NHLRC2: variants seen among roughly 807,000 people sequenced by gnomAD.
The protein encoded by NHLRC2 is NHL repeat-containing protein 2.
A neutral mutation model predicts 68.1 loss-of-function variants in NHLRC2; 33 were observed. The observed-to-expected ratio is 0.48, with a 90% CI of 0.37 to 0.65. The LOEUF (loss-of-function observed/expected upper bound fraction) is 0.65. Among genes scored for constraint, NHLRC2 ranks in the 30% least tolerant of loss-of-function variants. The pLI is 0.00. For synonymous variants in NHLRC2, 311 were observed against 309.6 expected (o/e 1.00, Z -0.05); for missense variants, 761 against 853.8 (o/e 0.89, Z 1.35).
intron 6 of NHLRC2, 28 bp downstream of exon 6, chr10:113,898,237 G>T: frequency 7.2e-7 from 1 of 1,382,996 alleles, no homozygotes; most frequent in South Asian, 1.2e-5. Context: ...TCTTTGAGTA[G>T]ACTGTACTAC....
At chr10:113,893,356 T>G (rs1013117823) in intron 5 of NHLRC2, among the ~76,000 whole-genome samples, 7 of 152,216 alleles carry the variant, frequency 4.6e-5, no homozygotes, top group Non-Finnish European at 1.0e-4. Flanking sequence ...AGAGTCAGAT[T>G]CACTAATGAA....
At chr10:113,889,338 T>C (rs892369493) in intron 5 of NHLRC2, among the ~76,000 whole-genome samples, 4 of 152,188 alleles carry the variant, frequency 2.6e-5, no homozygotes, top group African/African-American at 7.2e-5. Context: ...TTCGTATTTA[T>C]GTGCTTCAAT....
chr10:113,880,749 C>T (rs1356179192), intron 4 of NHLRC2, among the ~76,000 whole-genome samples: 1 of 151,780 alleles, frequency 6.6e-6, no homozygotes, highest in Non-Finnish European at 1.5e-5. Flanking sequence ...AAGACCTGGC[C>T]TATGGTAGGT....
intron 2 of NHLRC2, among the ~76,000 whole-genome samples, chr10:113,870,412 C>T (rs1845911566): frequency 6.6e-6 from 1 of 151,916 alleles, no homozygotes; most frequent in Non-Finnish European, 1.5e-5. Flanking sequence ...TTTTTATACA[C>T]TCGCTTTTTT....
intron 4 of NHLRC2, among the ~76,000 whole-genome samples, chr10:113,881,366 G>A (rs1846034711): frequency 6.6e-6 from 1 of 151,608 alleles, no homozygotes; most frequent in Non-Finnish European, 1.5e-5. Context: ...TTTATATTCT[G>A]TGACTTAATA....
At chr10:113,878,979 A>G (rs745727263) in intron 3 of NHLRC2, among the ~76,000 whole-genome samples, 9 of 152,198 alleles carry the variant, frequency 5.9e-5, no homozygotes, top group Admixed American at 1.3e-4. Context: ...TTATTGTGTT[A>G]TATTCTCCAC....
intron 2 of NHLRC2, among the ~76,000 whole-genome samples, chr10:113,869,744 A>G (rs1845904902): frequency 6.6e-6 from 1 of 152,188 alleles, no homozygotes; most frequent in Admixed American, 6.5e-5. Context: ...CATATATATA[A>G]TGTACATAAA....
Position 113,913,964 on chromosome 10 carries a change from C to G in NHLRC2, c.*5428C>G, listed in dbSNP as rs779319943. 6.6e-6 allele frequency: 1 copy of G among 150,928 alleles called. No individual in the cohort carries two copies. Among genetic ancestry groups the G allele is most frequent in the Non-Finnish European group, 1.5e-5 (1 of 67,966 alleles). The allele number at this position is 150,928 out of a possible 1,614,324, so 9.3% of individuals were successfully genotyped here. A position where few individuals can be genotyped will look rare whatever the true frequency, so the allele number is the denominator to read the frequency against. ...CCGGGTTCAAGTGATCCTCCTGCCT[C>G]AGCCTCCCAAGTAGCTGGCGCTCAC... On this transcript the variant is annotated 3_prime_UTR_variant, in exon 11 of 11. Coordinates refer to ENST00000369301, the MANE Select transcript of NHLRC2 (RefSeq NM_198514.4).
In NHLRC2 at chr10:113,860,424, T is replaced by C. The variant is rs139785430; in HGVS notation, c.331+1744T>C. Among the ~76,000 whole-genome samples, 589 of 152,310 alleles carry C rather than the reference T, an allele frequency of 3.9e-3. 8 individuals are homozygous for C. The highest frequency in any genetic ancestry group is 0.014 in the African/African-American group (561 of 41,552). Reference sequence around the variant, plus strand: ...TTAAAAATATTTTTATATACAAATATGCTTCTGAAAAGCAAAATACTTTGT... The same window carrying C: ...TTAAAAATATTTTTATATACAAATACGCTTCTGAAAAGCAAAATACTTTGT... On this transcript the variant is annotated intron_variant, in intron 2 of 10. Coordinates refer to ENST00000369301, the MANE Select transcript of NHLRC2 (RefSeq NM_198514.4).
chr10:113,899,648 G>A lies in NHLRC2; in HGVS notation c.1139+1439G>A, dbSNP rs140935508. Among the ~76,000 whole-genome samples, 55 of 152,212 alleles carry A rather than the reference G, an allele frequency of 3.6e-4. No individual in the cohort carries two copies. In the East Asian group the frequency reaches 8.5e-3, roughly 24 times the overall value. On this transcript the variant is annotated intron_variant, in intron 6 of 10. Coordinates refer to ENST00000369301, the MANE Select transcript of NHLRC2 (RefSeq NM_198514.4). ...AAATTGAAATTGTTCGGCTGGGTGC[G>A]GTGGGTCACGCCTGTAATCCCAGCA...
rs543560736 is a variant in NHLRC2 at position 113,877,835 on chromosome 10, A to G, written c.787+859A>G. Among the ~76,000 whole-genome samples the G allele has an allele frequency of 2.0e-4, 31 of 152,238 alleles. No individual in the cohort carries two copies. The South Asian group carries it at 6.4e-3, about 32-fold the overall frequency. On this transcript the variant is annotated intron_variant, in intron 3 of 10. Transcript: ENST00000369301. ...TATTCTTAATATACCAAGATACAGT[A>G]TGTGTTGTGTTTTGTGGTGTTTGTT... is the stretch of plus-strand genomic sequence containing the variant.
At chr10:113,891,192 A>C (rs1846127806) in intron 5 of NHLRC2, among the ~76,000 whole-genome samples, 1 of 152,190 alleles carries the variant, frequency 6.6e-6, no homozygotes, top group South Asian at 2.1e-4. Flanking sequence ...TTAATATAGC[A>C]TTTGTATTTC....
chr10:113,905,935 C>T (rs1846271550), intron 10 of NHLRC2, among the ~76,000 whole-genome samples: 1 of 152,082 alleles, frequency 6.6e-6, no homozygotes, highest in Admixed American at 6.5e-5. Flanking sequence ...GTAGGGAAAC[C>T]ACCCCTTGTC....
At position 113,916,710 on chromosome 10, in the gene NHLRC2, A is replaced by G. The variant is rs1198717783; in HGVS notation, c.*8174A>G. ...ATTTTAGAAACTCAAACTCTTTCCC[A>G]TCTTTTGTATGGATAAAGTTTATGG... is the stretch of plus-strand genomic sequence containing the variant. On this transcript the variant is annotated 3_prime_UTR_variant, in exon 11 of 11. Transcript: ENST00000369301. 6.6e-6 allele frequency: 1 copy of G among 152,154 alleles called. No individual in the cohort carries two copies. The highest frequency in any genetic ancestry group is 1.5e-5 in the Non-Finnish European group (1 of 68,008). 9.4% of individuals were successfully genotyped at this position (152,154 alleles called of 1,614,324 possible).
intron 2 of NHLRC2, among the ~76,000 whole-genome samples, chr10:113,864,848 T>C (rs1170104274): frequency 6.6e-6 from 1 of 152,100 alleles, no homozygotes; most frequent in Non-Finnish European, 1.5e-5. Flanking sequence ...GAGCCATTTG[T>C]TAAATATGTA....
intron 2 of NHLRC2, among the ~76,000 whole-genome samples, chr10:113,865,162 G>A (rs563343292): frequency 1.3e-5 from 2 of 152,014 alleles, no homozygotes; most frequent in African/African-American, 4.8e-5. Flanking sequence ...TGTTAGCCAG[G>A]ATGGTCTCGA....
intron 6 of NHLRC2, among the ~76,000 whole-genome samples, chr10:113,900,999 T>A (rs1846223165): frequency 6.6e-6 from 1 of 152,192 alleles, no homozygotes; most frequent in Admixed American, 6.5e-5. Context: ...TTCTCTGCAT[T>A]ACAAAAGGAA....
intron 10 of NHLRC2, among the ~76,000 whole-genome samples, chr10:113,907,583 T>G (rs1455762903): frequency 6.6e-6 from 1 of 152,234 alleles, no homozygotes; most frequent in Non-Finnish European, 1.5e-5. Context: ...TGATTTTAAT[T>G]CTTGAGGGCT....
chr10:113,874,476 G>C (rs909232311), intron 2 of NHLRC2, among the ~76,000 whole-genome samples: 2 of 146,160 alleles, frequency 1.4e-5, no homozygotes, highest in African/African-American at 5.5e-5. Flanking sequence ...GTGTGTGTGT[G>C]TGTGTGTGTG....
Sources: gnomAD v4.1 joint callset for allele counts (sites outside exome capture counted in the v4.1 genomes callset) on GRCh38, gnomAD v4.1.1 for gene constraint, MANE v1.5 for transcripts, NCBI Gene and HGNC (gene_info 2026-07-23, HGNC 2026-07-21) for gene names.